GPHN: variants seen among roughly 807,000 people sequenced by gnomAD.
GPHN encodes gephyrin.
Under a neutral mutation model 95.5 loss-of-function variants are expected in GPHN, and 17 were observed. That is an observed-to-expected ratio of 0.18 (90% CI 0.12 to 0.27). GPHN has a LOEUF of 0.27. GPHN is among the 10% of genes least tolerant of loss of function. The pLI, the probability that GPHN is intolerant of heterozygous loss-of-function variation, is 1.00. For missense variants in GPHN, 660 were observed against 978.1 expected, an observed-to-expected ratio of 0.67 and a Z score of 4.34; for synonymous variants, 320 against 322.5, an observed-to-expected ratio of 0.99 and a Z score of 0.08.
chr14:66,921,242 A>T (rs1190221249), intron 6 of GPHN, among the ~76,000 whole-genome samples: 1 of 152,182 alleles, frequency 6.6e-6, no homozygotes, highest in Non-Finnish European at 1.5e-5. Context: ...TGTTTACCGC[A>T]TCCATGCCAA....
At chr14:66,577,272 A>G (rs554550009) in intron 1 of GPHN, among the ~76,000 whole-genome samples, 3 of 152,052 alleles carry the variant, frequency 2.0e-5, no homozygotes, top group African/African-American at 7.3e-5. Context: ...CAAAGTTGGT[A>G]ATTCTTGGGC....
chr14:66,696,159 T>C (rs1595584455), intron 2 of GPHN, among the ~76,000 whole-genome samples: 1 of 152,208 alleles, frequency 6.6e-6, no homozygotes, highest in African/African-American at 2.4e-5. Flanking sequence ...CTAAAGATGC[T>C]ATGAATTTCT....
chr14:66,616,373 T>A (rs2063032109), intron 1 of GPHN, among the ~76,000 whole-genome samples: 1 of 150,696 alleles, frequency 6.6e-6, no homozygotes, highest in Admixed American at 6.6e-5. Context: ...TCTTTGAGGC[T>A]GCTGACCCAT....
intron 1 of GPHN, among the ~76,000 whole-genome samples, chr14:66,562,662 TAAG>T (rs2060310297): frequency 6.6e-6 from 1 of 152,182 alleles, no homozygotes; most frequent in Non-Finnish European, 1.5e-5. Flanking sequence ...TTTGAGCTAC[TAAG>T]AACAGCAAAT....
the GPHN span, chr14:67,347,461 A>T: frequency 6.2e-7 from 1 of 1,604,252 alleles, no homozygotes; most frequent in South Asian, 1.1e-5. Context: ...CACCTGTTAA[A>T]CACAGAAGCA....
chr14:66,651,120 G>A (rs1472933773), intron 1 of GPHN, among the ~76,000 whole-genome samples: 1 of 152,156 alleles, frequency 6.6e-6, no homozygotes, highest in Non-Finnish European at 1.5e-5. Context: ...CAGAGTTTGA[G>A]TTACAAGAGC....
intron 5 of GPHN, among the ~76,000 whole-genome samples, chr14:66,886,786 A>G (rs2064218809): frequency 6.6e-6 from 1 of 152,134 alleles, no homozygotes; most frequent in Non-Finnish European, 1.5e-5. Context: ...GGGATTCAAG[A>G]TGGATGAGTG....
the GPHN span, chr14:67,574,335 C>A: frequency 6.2e-7 from 1 of 1,601,300 alleles, no homozygotes; most frequent in Non-Finnish European, 8.5e-7. This position sits in a 1 kb window ranked among gnomAD's most constrained non-coding sequence, Gnocchi z 4.2. Flanking sequence ...GCTGAAGGTG[C>A]AGGCCACCGG....
chr14:67,457,039 A>C, the GPHN span, among the ~76,000 whole-genome samples: 1 of 152,240 alleles, frequency 6.6e-6, no homozygotes, highest in African/African-American at 2.4e-5. Context: ...AGAAAAGCAA[A>C]TACAGCATCT....
the GPHN span, among the ~76,000 whole-genome samples, chr14:67,436,641 C>T: frequency 3.3e-5 from 5 of 152,206 alleles, no homozygotes; most frequent in African/African-American, 9.7e-5. Flanking sequence ...CACTGCCACG[C>T]CCAGTCCTTC....
chr14:67,407,626 A>G, the GPHN span, among the ~76,000 whole-genome samples: 1 of 151,848 alleles, frequency 6.6e-6, no homozygotes, highest in African/African-American at 2.4e-5. Flanking sequence ...TTTTTTGTAG[A>G]GATGAGTTCT....
At chr14:67,646,297 A>G in the GPHN span, among the ~76,000 whole-genome samples, 362 of 152,354 alleles carry the variant, frequency 2.4e-3, no homozygotes, top group African/African-American at 8.2e-3. Context: ...GATGGCAACC[A>G]GGTTATGCTT....
the GPHN span, among the ~76,000 whole-genome samples, chr14:67,721,841 A>G: frequency 6.6e-6 from 1 of 151,908 alleles, no homozygotes; most frequent in African/African-American, 2.4e-5. Flanking sequence ...AACTGAGTTA[A>G]CAGAGAGGTT....
intron 5 of GPHN, among the ~76,000 whole-genome samples, chr14:66,901,169 TG>T (rs1322907879): frequency 1.3e-5 from 2 of 152,102 alleles, no homozygotes; most frequent in Admixed American, 6.6e-5. Context: ...ATGCCTTCTT[TG>T]GGAAATGTCT....
chr14:67,275,290 T>G, the GPHN span, among the ~76,000 whole-genome samples: 3 of 152,242 alleles, frequency 2.0e-5, no homozygotes, highest in African/African-American at 7.2e-5. Flanking sequence ...TTGAGATACA[T>G]TCCATCAATA....
chr14:67,111,752 T>G (rs1246171005), intron 14 of GPHN, 109 bp from the exon 15 acceptor site: 3 of 819,898 alleles, frequency 3.7e-6, no homozygotes, highest in Non-Finnish European at 6.4e-6. Flanking sequence ...TTTCTTTTTG[T>G]CTATATTTGT....
the GPHN span, among the ~76,000 whole-genome samples, chr14:67,452,791 C>T: frequency 6.6e-6 from 1 of 152,180 alleles, no homozygotes; most frequent in African/African-American, 2.4e-5. Context: ...CCTCAGAGAC[C>T]TGTTTTAAGT....
At chr14:66,737,092 GCATATTAAA>G (rs1377929677) in intron 2 of GPHN, among the ~76,000 whole-genome samples, 1 of 152,002 alleles carries the variant, frequency 6.6e-6, no homozygotes, top group Admixed American at 6.6e-5. Context: ...ACTTTTCTAG[GCATATTAAA>G]CATATTAATG....
chr14:67,047,373 T>G lies in GPHN; in HGVS notation c.1007-11276T>G, dbSNP rs1352684545. 4.7e-5 allele frequency among the ~76,000 whole-genome samples: 7 copies of G among 147,450 alleles called. No individual in the cohort carries two copies. In the East Asian group the frequency reaches 1.2e-3, roughly 25 times the overall value. On this transcript the variant is annotated intron_variant, in intron 10 of 22. Transcript: ENST00000478722. ...GTGTGTGTGTGTGTGTTTGTTTTTT[T>G]TTTTTTTTTTGAGACAGAGTCTCAC...
Sources: gnomAD v4.1 joint callset for allele counts (sites outside exome capture counted in the v4.1 genomes callset) on GRCh38, gnomAD v4.1.1 for gene constraint, Gnocchi (gnomAD v3.1) non-coding constraint, MANE v1.5 for transcripts, NCBI Gene and HGNC (gene_info 2026-07-23, HGNC 2026-07-21) for gene names.